MTFR1: variants seen among roughly 807,000 people sequenced by gnomAD.
The protein encoded by MTFR1 is chondrocyte protein with a poly-proline region.
In MTFR1, 28 loss-of-function variants were observed where a neutral mutation model predicts 38.8. The ratio of observed to expected loss-of-function variants is 0.72; its 90% CI spans 0.53 to 0.99. The LOEUF (loss-of-function observed/expected upper bound fraction) is 0.99. MTFR1 is among the 50% of genes least tolerant of loss of function. The probability of loss-of-function intolerance (pLI) is 0.00; values close to 1 mark genes in which losing one functional copy is unlikely to be tolerated. For synonymous variants in MTFR1, 145 were observed against 137.0 expected (o/e 1.06, Z -0.41); for missense variants, 358 against 395.5 (o/e 0.91, Z 0.81).
chr8:65,669,797 C>T (rs1804511724), intron 1 of MTFR1, 76 bp from the exon 2 acceptor site: 1 of 646,518 alleles, frequency 1.5e-6, no homozygotes, highest in South Asian at 1.9e-5. Flanking sequence ...TTTAGGCTTG[C>T]TCTGTGAGAC....
intron 3 of MTFR1, among the ~76,000 whole-genome samples, chr8:65,740,545 C>A (rs745600807): frequency 2.8e-4 from 43 of 152,196 alleles, no homozygotes; most frequent in Non-Finnish European, 4.9e-4. Flanking sequence ...GGAGTACAGG[C>A]ACCCGCCACC....
chr8:65,745,356 A>G (rs1807627138), intron 3 of MTFR1: 1 of 1,015,900 alleles, frequency 9.8e-7, no homozygotes, highest in Non-Finnish European at 1.6e-6. Flanking sequence ...TGCACCATCA[A>G]TGCAGTAATC....
chr8:65,754,207 T>A (rs1473783445), intron 3 of MTFR1, among the ~76,000 whole-genome samples: 6 of 151,982 alleles, frequency 3.9e-5, no homozygotes, highest in African/African-American at 1.5e-4. Context: ...TCTGCTTGCT[T>A]TATAGTCTAG....
chr8:65,753,777 T>C (rs142749352), intron 3 of MTFR1, among the ~76,000 whole-genome samples: 43 of 152,342 alleles, frequency 2.8e-4, no homozygotes, highest in African/African-American at 1.0e-3. Context: ...AAATTTTGCT[T>C]CATATATTGT....
intron 3 of MTFR1, among the ~76,000 whole-genome samples, chr8:65,763,771 T>A (rs1305051698): frequency 6.6e-6 from 1 of 152,240 alleles, no homozygotes; most frequent in Non-Finnish European, 1.5e-5. Context: ...AAAGTCTTAA[T>A]GCAGTTCCTT....
At position 65,650,362 on chromosome 8, in the gene MTFR1, G is replaced by A. The variant is rs575772106; in HGVS notation, c.-81+5578G>A. Among the ~76,000 whole-genome samples, 25 of 151,856 alleles carry A rather than the reference G, an allele frequency of 1.6e-4. No homozygotes were observed. The South Asian group carries it at 2.9e-3, about 18-fold the overall frequency. ...AATTTTTTGTATTTTTAGTAGAGAC[G>A]GGGTTTCACCATTTTGGCCCAGGCT... On this transcript the variant is annotated intron_variant, in intron 1 of 7. Coordinates refer to ENST00000262146, the MANE Select transcript of MTFR1 (RefSeq NM_014637.4).
At chr8:65,656,888 C>A (rs1052935902) in intron 1 of MTFR1, among the ~76,000 whole-genome samples, 3 of 152,158 alleles carry the variant, frequency 2.0e-5, no homozygotes, top group African/African-American at 7.2e-5. Flanking sequence ...TCAAGTGATT[C>A]TCCTGCCTCA....
At chr8:65,716,258 C>T (rs1040900756) in intron 2 of MTFR1, among the ~76,000 whole-genome samples, 1 of 151,922 alleles carries the variant, frequency 6.6e-6, no homozygotes, top group African/African-American at 2.4e-5. Flanking sequence ...GGAGCCACAC[C>T]CACAGTTCCC....
chr8:65,751,427 C>T (rs1807949373), intron 3 of MTFR1, among the ~76,000 whole-genome samples: 1 of 151,942 alleles, frequency 6.6e-6, no homozygotes, highest in African/African-American at 2.4e-5. Flanking sequence ...AAGCCCTACC[C>T]CAAAATGGTA....
intron 3 of MTFR1, among the ~76,000 whole-genome samples, chr8:65,737,895 AG>A (rs1807218677): frequency 6.6e-6 from 1 of 152,238 alleles, no homozygotes; most frequent in African/African-American, 2.4e-5. Flanking sequence ...ATTTTCCTAC[AG>A]TAATAAATTA....
chr8:65,727,412 C>G (rs1370389713), intron 3 of MTFR1: 1 of 1,468,714 alleles, frequency 6.8e-7, no homozygotes, highest in Non-Finnish European at 9.1e-7. Flanking sequence ...TCTCCTCCCC[C>G]TTCACGTCAT....
At position 65,652,532 on chromosome 8, in the gene MTFR1, C is replaced by A. The variant is rs116420281; in HGVS notation, c.-81+7748C>A. ...TACAGGCATGAGCCACCACCCTGAC[C>A]CTCTTAAATTGCTTTTGAGTTTTCA... On this transcript the variant is annotated intron_variant, in intron 1 of 7. Coordinates refer to ENST00000262146, the MANE Select transcript of MTFR1 (RefSeq NM_014637.4). Among the ~76,000 whole-genome samples the A allele has an allele frequency of 8.7e-4, 132 of 152,272 alleles. 1 individual carries two copies. The highest frequency in any genetic ancestry group is 3.1e-3 in the African/African-American group (127 of 41,562).
At chr8:65,704,616 G>T in intron 4 of MTFR1, 78 bp from the exon 5 acceptor site, 1 of 1,184,144 alleles carries the variant, frequency 8.4e-7, no homozygotes, top group Admixed American at 1.9e-5. Flanking sequence ...TGTTAATGCG[G>T]ATACACTGTC....
chr8:65,650,414 C>T (rs1453067222), intron 1 of MTFR1, among the ~76,000 whole-genome samples: 1 of 151,730 alleles, frequency 6.6e-6, no homozygotes, highest in Non-Finnish European at 1.5e-5. Flanking sequence ...CCTTGTGATC[C>T]ACCTTCCTTG....
intron 3 of MTFR1, chr8:65,747,639 A>C: frequency 4.5e-6 from 7 of 1,564,420 alleles, no homozygotes; most frequent in Non-Finnish European, 6.1e-6. Context: ...TTTCTTAAAA[A>C]AACTATACAC....
At chr8:65,751,156 T>C (rs1476934756) in intron 3 of MTFR1, among the ~76,000 whole-genome samples, 1 of 152,252 alleles carries the variant, frequency 6.6e-6, no homozygotes, top group East Asian at 1.9e-4. Flanking sequence ...ACAGGAAGCC[T>C]ACACGTAACA....
chr8:65,653,650 C>T (rs1209655709), intron 1 of MTFR1, among the ~76,000 whole-genome samples: 2 of 152,124 alleles, frequency 1.3e-5, no homozygotes, highest in Non-Finnish European at 2.9e-5. Flanking sequence ...TAAGGGTTCC[C>T]AAAGTTTATA....
chr8:65,745,814 A>G (rs963982107), intron 3 of MTFR1, among the ~76,000 whole-genome samples: 1 of 152,258 alleles, frequency 6.6e-6, no homozygotes, highest in Non-Finnish European at 1.5e-5. Context: ...TTAGAAACTA[A>G]ATTGCAAACA....
At chr8:65,777,132 G>C in the MTFR1 span, among the ~76,000 whole-genome samples, 10 of 144,474 alleles carry the variant, frequency 6.9e-5, no homozygotes, top group Non-Finnish European at 1.3e-4. Context: ...GCCCAGACTG[G>C]AGTGCAATGC....
Sources: allele counts gnomAD v4.1 joint callset (sites outside exome capture counted in the v4.1 genomes callset), GRCh38; gene constraint gnomAD v4.1.1; transcripts MANE v1.5; gene names NCBI Gene and HGNC (gene_info 2026-07-23, HGNC 2026-07-21).